Variants in ASB10 observed in about 807,000 individuals in gnomAD.
The protein encoded by ASB10 is ankyrin repeat and SOCS box containing 10, also known as ankyrin repeat and SOCS box protein 10.
A neutral mutation model predicts 35.4 loss-of-function variants in ASB10; 44 were observed. That is an observed-to-expected ratio of 1.24 (90% CI 0.98 to 1.60). ASB10 has a LOEUF of 1.60. ASB10 is among the 40% of genes most tolerant of loss of function. The pLI is 0.00. For missense variants in ASB10, 647 were observed against 634.3 expected, an observed-to-expected ratio of 1.02 and a Z score of -0.22; for synonymous variants, 294 against 280.4, an observed-to-expected ratio of 1.05 and a Z score of -0.49.
Position 151,186,801 on chromosome 7 carries a change from G to A in ASB10, c.316+14C>T. The A allele has an allele frequency of 6.4e-7, 1 of 1,568,690 alleles. No individual in the cohort carries two copies. The highest frequency in any genetic ancestry group is 8.7e-7 in the Non-Finnish European group (1 of 1,153,572). ...CTCTCTCCCACTGAGAGCCCCCAGT[G>A]CCCCGGCCCGTACTCAGAGCACGGA... is the stretch of plus-strand genomic sequence containing the variant. On this transcript the variant is annotated intron_variant, in intron 1 of 5. Coordinates refer to ENST00000420175, the MANE Select transcript of ASB10 (RefSeq NM_001142459.2).
chr7:151,187,658 G>A (rs576880178), upstream of ASB10: 112 of 1,520,806 alleles, frequency 7.4e-5, no homozygotes, highest in Middle Eastern at 8.6e-4. This position sits in a 1 kb window ranked among gnomAD's most constrained non-coding sequence, Gnocchi z 5.3. Context: ...CCGGCAGGCC[G>A]GGGCGGAGGG....
At chr7:151,186,253 A>T in intron 2 of ASB10, 139 bp downstream of exon 2, 2 of 1,069,682 alleles carry the variant, frequency 1.9e-6, no homozygotes, top group Non-Finnish European at 1.3e-6. Flanking sequence ...ATGGCTTGGG[A>T]AGTAATTGCA....
intron 3 of ASB10, among the ~76,000 whole-genome samples, chr7:151,180,354 C>T (rs59806285): frequency 0.075 from 11,397 of 152,226 alleles, 525 homozygotes; most frequent in African/African-American, 0.12. Context: ...ACAGTGGCAG[C>T]TGTTCTGGGG....
rs10274484 is a variant in ASB10, at chr7:151,186,139, G to A, written c.584+253C>T. ...ATGGAGCCAGGCAATTTCCCAATGC[G>A]GGCCATGCAACTGCACCCCTGCCAC... On this transcript the variant is annotated intron_variant, in intron 2 of 5. Transcript: ENST00000420175. Among the ~76,000 whole-genome samples the A allele has an allele frequency of 0.074, 11,238 of 152,156 alleles. 533 individuals carry two copies. The highest frequency in any genetic ancestry group is 0.13 in the African/African-American group (5,496 of 41,480).
rs762834409 is a variant in ASB10, at chr7:151,181,068, A to G, written c.975T>C (p.Tyr325=). 1.9e-6 allele frequency: 3 copies of G among 1,612,546 alleles called. No individual in the cohort carries two copies. The highest frequency in any genetic ancestry group is 4.5e-5 in the East Asian group (2 of 44,870). ...CACAGTGCAGGGGCGTGTGTCCCCC[A>G]TAGTCCATGGTGTTGGCGCTGACAC... ...SCGVSANTMD[Y]GGHTPLHCAL... is the part of the protein sequence containing the mutation. The change falls in exon 3 of 6, where the codon TAT becomes TAC. Residue 325 remains tyrosine, a synonymous_variant. Transcript: ENST00000420175.
chr7:151,186,498 G>A lies in ASB10; in HGVS notation c.478C>T (p.His160Tyr), dbSNP rs1801595116. The A allele has an allele frequency of 1.9e-6, 3 of 1,601,458 alleles. No individual in the cohort carries two copies. The highest frequency in any genetic ancestry group is 2.6e-6 in the Non-Finnish European group (3 of 1,174,328). ...AGCAGCACATGAACACAGGCAGTGTGGCCTGCAGCACAGGCCTCGTGCAGG... is the reference window on the plus strand; with the variant it reads ...AGCAGCACATGAACACAGGCAGTGTAGCCTGCAGCACAGGCCTCGTGCAGG... ...TALHEACAAG[H>Y]TACVHVLLVA... The change falls in exon 2 of 6, where the codon CAC becomes TAC. Residue 160 changes from histidine (H) to tyrosine (Y), a missense_variant. Physicochemically the swap from His to Tyr is moderately conservative, Grantham distance 83. Coordinates refer to ENST00000420175, the MANE Select transcript of ASB10 (RefSeq NM_001142459.2).
chr7:151,186,342 T>C, intron 2 of ASB10, 50 bp downstream of exon 2: 4 of 1,519,482 alleles, frequency 2.6e-6, no homozygotes, highest in Non-Finnish European at 3.5e-6. Context: ...AGAAGGCCTC[T>C]TTGCTTCCCT....
intron 2 of ASB10, among the ~76,000 whole-genome samples, chr7:151,185,204 C>CA (rs1477745109): frequency 1.3e-5 from 2 of 150,274 alleles, no homozygotes; most frequent in African/African-American, 4.9e-5. Flanking sequence ...CTGCAACCTC[C>CA]ACCTCCCAGG....
rs1179656256 is a variant in ASB10, at chr7:151,181,214, A to G, written c.829T>C (p.Cys277Arg). The change falls in exon 3 of 6, where the codon TGC becomes CGC. Residue 277 changes from cysteine to arginine, a missense_variant. Physicochemically the swap from Cys to Arg is radical, Grantham distance 180 (BLOSUM62 -3). Coordinates refer to ENST00000420175, the MANE Select transcript of ASB10 (RefSeq NM_001142459.2). ...GCTCCAGCTGAAAGCAGCAAGCTGC[A>G]CAGCTGCAGGCAGCGGGCGGTGGTG... ...EATTARCLQL[C>R]SLLLSAGADA... The G allele has an allele frequency of 6.2e-7, 1 of 1,612,938 alleles. No homozygotes were observed. Among genetic ancestry groups the G allele is most frequent in the Admixed American group, 1.7e-5 (1 of 60,010 alleles).
intron 2 of ASB10, among the ~76,000 whole-genome samples, chr7:151,185,634 G>GAGA (rs960576660): frequency 1.3e-5 from 2 of 152,192 alleles, no homozygotes; most frequent in African/African-American, 4.8e-5. Context: ...TCAGAGGCAA[G>GAGA]AGACAAGACC....
chr7:151,181,000 T>A lies in ASB10; in HGVS notation c.1043A>T (p.His348Leu). 1.3e-6 allele frequency: 2 copies of A among 1,598,278 alleles called. No individual in the cohort carries two copies. Among genetic ancestry groups the A allele is most frequent in the South Asian group, 2.2e-5 (2 of 90,672 alleles). ...ATGGTTGAGCAGAGCCCGAACCACG[T>A]GCTCGGGGCTCTGGGCCAGGGCTGC... ...PAAALAQSPE[H>L]VVRALLNHGA... is the part of the protein sequence containing the mutation. The change falls in exon 3 of 6, where the codon CAC becomes CTC. Residue 348 changes from histidine (H) to leucine (L), a missense_variant. Physicochemically the swap from His to Leu is moderately conservative, Grantham distance 99. Coordinates refer to ENST00000420175, the MANE Select transcript of ASB10 (RefSeq NM_001142459.2).
chr7:151,186,325 C>T, intron 2 of ASB10, 67 bp downstream of exon 2: 1 of 1,487,602 alleles, frequency 6.7e-7, no homozygotes, highest in East Asian at 2.5e-5. Flanking sequence ...TTCCCCCATC[C>T]TCCCTGAGAA....
chr7:151,183,562 C>T (rs1296221933), intron 2 of ASB10, among the ~76,000 whole-genome samples: 2 of 152,184 alleles, frequency 1.3e-5, no homozygotes, highest in East Asian at 3.8e-4. Flanking sequence ...TGTGCACCAC[C>T]ATGCCTGGCT....
upstream of ASB10, chr7:151,187,398 C>A: frequency 6.5e-7 from 1 of 1,549,722 alleles, no homozygotes; most frequent in Non-Finnish European, 8.7e-7. This position sits in a 1 kb window ranked among gnomAD's most constrained non-coding sequence, Gnocchi z 5.3. Flanking sequence ...ACCTCTGTGG[C>A]CGAGGCAGTC....
rs114020455 is a variant in ASB10, at chr7:151,181,462, T to C, written c.585-4A>G. ...CCTGAGGAGCAGCTCCGCACACCTA[T>C]TGGGGGGAGACGGTGGTGGGGAGGA... On this transcript the variant is annotated splice_region_variant and splice_polypyrimidine_tract_variant and intron_variant, in intron 2 of 5. Transcript: ENST00000420175. The C allele has an allele frequency of 1.5e-3, 2,367 of 1,575,054 alleles. 23 individuals are homozygous for C. The African/African-American group carries it at 0.027, about 18-fold the overall frequency.
rs780804675 is a variant in ASB10, at chr7:151,186,639, C to T, written c.337G>A (p.Glu113Lys). Reference protein sequence around the residue: ...RALRLWSLTYEEELTTPLHVA... With the variant: ...RALRLWSLTYKEELTTPLHVA... ...TGCAGTGGGGTGGTCAGCTCCTCTT[C>T]GTATGTCAGAGACCAGAGTCCTAGG... The change falls in exon 2 of 6, where the codon GAA becomes AAA. Residue 113 changes from glutamate (E) to lysine (K), a missense_variant. By Grantham distance (56) the Glu-to-Lys change is moderately conservative (BLOSUM62 1). Transcript: ENST00000420175. 57 of 1,610,540 alleles carry T rather than the reference C, an allele frequency of 3.5e-5. No homozygotes were observed. The East Asian group carries it at 4.2e-4, about 12-fold the overall frequency.
At chr7:151,180,838 T>A (rs1023027889) in intron 3 of ASB10, 101 bp downstream of exon 3, 58 of 1,409,168 alleles carry the variant, frequency 4.1e-5, no homozygotes, top group Admixed American at 8.8e-5. Flanking sequence ...AAGGAACCAA[T>A]CTATGTGCAC....
chr7:151,176,365 G>A, intron 4 of ASB10, 68 bp from the exon 5 acceptor site: 1 of 1,501,834 alleles, frequency 6.7e-7, no homozygotes, highest in South Asian at 1.4e-5. Flanking sequence ...CTCCTCACAG[G>A]GTAGGCTGGT....
At position 151,176,640 on chromosome 7, in the gene ASB10, C is replaced by T. The variant is rs754547437; in HGVS notation, c.1141G>A (p.Glu381Lys). 2.6e-6 allele frequency: 4 copies of T among 1,551,258 alleles called. No individual in the cohort carries two copies. Among genetic ancestry groups the T allele is most frequent in the African/African-American group, 1.4e-5 (1 of 72,994 alleles). Residue 381 changes from glutamate to lysine, a missense_variant, in exon 4 of 6, where the codon GAG (glutamate) becomes AAG (lysine). Glu to Lys is a moderately conservative substitution (Grantham distance 56). Coordinates refer to ENST00000420175, the MANE Select transcript of ASB10 (RefSeq NM_001142459.2). ...ERWSTCPRTI[E>K]VLMNTYSVVQ... Reference sequence around the variant, plus strand: ...ACACTGTAGGTGTTCATCAGGACCTCGATGGTCCGAGGGCACGTGCTCCAG... The same window carrying T: ...ACACTGTAGGTGTTCATCAGGACCTTGATGGTCCGAGGGCACGTGCTCCAG...
Sources: gnomAD v4.1 joint callset for allele counts (sites outside exome capture counted in the v4.1 genomes callset) on GRCh38, gnomAD v4.1.1 for gene constraint, Gnocchi (gnomAD v3.1) non-coding constraint, MANE v1.5 for transcripts, NCBI Gene and HGNC (gene_info 2026-07-23, HGNC 2026-07-21) for gene names.